AMER1: variants seen among roughly 807,000 people sequenced by gnomAD.
The protein encoded by AMER1 is APC membrane recruitment protein 1, also known as RP11-403E24.2.
A neutral mutation model predicts 53.0 loss-of-function variants in AMER1; 16 were observed. The observed-to-expected ratio is 0.30, with a 90% confidence interval of 0.20 to 0.46. The LOEUF (loss-of-function observed/expected upper bound fraction) is 0.46, where lower values mean the gene tolerates loss of function less well. AMER1 is among the 20% of genes least tolerant of loss of function. AMER1 has a pLI of 1.00. For missense variants in AMER1, 947 were observed against 884.9 expected, an observed-to-expected ratio of 1.07 and a Z score of -0.89; for synonymous variants, 354 against 331.9, an observed-to-expected ratio of 1.07 and a Z score of -0.73.
In AMER1 at chrX:64,188,874, G is replaced by T. The variant is rs926802756; in HGVS notation, c.*1005C>A. ...TCCCTTATCTCAATTAAAAGACCGT[G>T]TTCCTTGTGATGAGATTATGAAAAT... On this transcript the variant is annotated 3_prime_UTR_variant, in exon 2 of 2. Coordinates refer to ENST00000374869, the MANE Select transcript of AMER1 (RefSeq NM_152424.4). The T allele has an allele frequency of 1.2e-6, 1 of 806,772 alleles. No individual in the cohort carries two copies. The highest frequency in any genetic ancestry group is 2.2e-5 in the African/African-American group (1 of 46,178). 66.5% of individuals were successfully genotyped at this position (806,772 alleles called of 1,213,427 possible). A position where few individuals can be genotyped will look rare whatever the true frequency, so the allele number is the denominator to read the frequency against.
At position 64,192,963 on chromosome X, in the gene AMER1, A is replaced by T; in HGVS notation, c.324T>A (p.Asp108Glu). 1 of 1,211,504 alleles carries T rather than the reference A, an allele frequency of 8.3e-7. No individual in the cohort carries two copies. The highest frequency in any genetic ancestry group is 1.1e-6 in the Non-Finnish European group (1 of 895,447). Residue 108 changes from aspartate to glutamate, a missense_variant, in exon 2 of 2, where the codon GAT becomes GAA. By Grantham distance (45) the Asp-to-Glu change is conservative. Transcript: ENST00000374869. ...AGAAGCCAGTTCCTTCACTGACAAC[A>T]TCTTCAGGGCCATGGGCTGCTTCAC... ...GLSEAAHGPE[D>E]VVSEGTGFSL...
In AMER1 at chrX:64,192,099, C is replaced by T. The variant is rs1310860091; in HGVS notation, c.1188G>A (p.Glu396=). ...CATCATCTTCTTCCTCCTCCTTAAC[C>T]TCCTCTTCTTCCTCCTCTAATTCCA... ...EEVELEEEEE[E]VKEEEEDDDL... is the part of the protein sequence containing the mutation. The change falls in exon 2 of 2, where the codon GAG becomes GAA. Residue 396 remains glutamate (E), a synonymous_variant. Transcript: ENST00000374869. 8.3e-7 allele frequency: 1 copy of T among 1,209,443 alleles called. No individual in the cohort carries two copies. Among genetic ancestry groups the T allele is most frequent in the Non-Finnish European group, 1.1e-6 (1 of 894,707 alleles).
chrX:64,203,990 C>T (rs1226720501), intron 1 of AMER1, among the ~76,000 whole-genome samples: 1 of 112,050 alleles, frequency 8.9e-6, no homozygotes, highest in Admixed American at 9.4e-5. Flanking sequence ...CTCAAAGTGC[C>T]CAAGCTTTGC....
chrX:64,192,647 C>A lies in AMER1; in HGVS notation c.640G>T (p.Val214Leu). 1.7e-6 allele frequency: 2 copies of A among 1,167,223 alleles called. No homozygotes were observed. Among genetic ancestry groups the A allele is most frequent in the East Asian group, 3.0e-5 (1 of 33,611 alleles). ...TGGAAGGTCTCCTCAAAGCAGGGCA[C>A]CTGAGGGGCTGAGCTCACGTGCTCA... is the stretch of plus-strand genomic sequence containing the variant. ...PHEHVSSAPQ[V>L]PCFEETFQAP... Residue 214 changes from valine (V) to leucine (L), a missense_variant, in exon 2 of 2, where the codon GTG (valine) becomes TTG (leucine). Physicochemically the swap from Val to Leu is conservative, Grantham distance 32. Transcript: ENST00000374869.
Position 64,190,356 on chromosome X carries a change from G to C in AMER1, c.2931C>G (p.Pro977=), listed in dbSNP as rs2147084962. 1 of 1,211,672 alleles carries C rather than the reference G, an allele frequency of 8.3e-7. No individual in the cohort carries two copies. Among genetic ancestry groups the C allele is most frequent in the Non-Finnish European group, 1.1e-6 (1 of 895,357 alleles). ...PVGPGPAWIS[P]NQLDRPSSQS... ...GGCTGGAAGGCCTGTCCAACTGGTT[G>C]GGGCTTATCCAGGCAGGACCTGGCC... The change falls in exon 2 of 2, where the codon CCC becomes CCG. Residue 977 remains proline, a synonymous_variant. Transcript: ENST00000374869.
Position 64,193,069 on chromosome X carries a change from A to G in AMER1, c.218T>C (p.Phe73Ser). ...KKGICTLPSF[F>S]GGGRSKGSGK... is the part of the protein sequence containing the mutation. ...AGAACCTTTGCTCCGTCCCCCTCCA[A>G]AGAAACTAGGCAGAGTACAGATACC... Residue 73 changes from phenylalanine (F) to serine (S), a missense_variant, in exon 2 of 2, where the codon TTT becomes TCT. Phe to Ser is a radical substitution (Grantham distance 155). Coordinates refer to ENST00000374869, the MANE Select transcript of AMER1 (RefSeq NM_152424.4). 1.7e-6 allele frequency: 2 copies of G among 1,211,883 alleles called. No homozygotes were observed. Among genetic ancestry groups the G allele is most frequent in the Non-Finnish European group, 1.1e-6 (1 of 895,548 alleles).
Position 64,189,348 on chromosome X carries a change from A to T in AMER1, c.*531T>A, listed in dbSNP as rs920109533. ...AGCCCCACTTCCCCAAGCGGGAGGCAATGCAGACTTGGCTGCTAATCAGTG... is the reference window on the plus strand; with the variant it reads ...AGCCCCACTTCCCCAAGCGGGAGGCTATGCAGACTTGGCTGCTAATCAGTG... On this transcript the variant is annotated 3_prime_UTR_variant, in exon 2 of 2. Coordinates refer to ENST00000374869, the MANE Select transcript of AMER1 (RefSeq NM_152424.4). 11 of 781,806 alleles carry T rather than the reference A, an allele frequency of 1.4e-5. No individual in the cohort carries two copies. The African/African-American group carries it at 2.5e-4, about 18-fold the overall frequency. 64.4% of individuals were successfully genotyped at this position (781,806 alleles called of 1,213,427 possible).
intron 1 of AMER1, among the ~76,000 whole-genome samples, chrX:64,196,796 T>C (rs1569193333): frequency 9.0e-6 from 1 of 111,616 alleles, no homozygotes; most frequent in Non-Finnish European, 1.9e-5. Context: ...ACTGGTACTC[T>C]GTGTTCTCTC....
At chrX:64,199,426 TGGTTTGAG>T (rs1297937381) in intron 1 of AMER1, among the ~76,000 whole-genome samples, 3 of 112,194 alleles carry the variant, frequency 2.7e-5, no homozygotes, top group Admixed American at 9.4e-5. Context: ...ATAGGCTGTG[TGGTTTGAG>T]AAAGTGGCCT....
rs1381875275 is a variant in AMER1, at chrX:64,189,847, G to T, written c.*32C>A. 1.0e-6 allele frequency: 1 copy of T among 979,154 alleles called. No homozygotes were observed. Among genetic ancestry groups the T allele is most frequent in the Non-Finnish European group, 1.3e-6 (1 of 757,359 alleles). 80.7% of individuals were successfully genotyped at this position (979,154 alleles called of 1,213,427 possible). A position where few individuals can be genotyped will look rare whatever the true frequency, so the allele number is the denominator to read the frequency against. On this transcript the variant is annotated 3_prime_UTR_variant, in exon 2 of 2. Coordinates refer to ENST00000374869, the MANE Select transcript of AMER1 (RefSeq NM_152424.4). ...CCCTGATCCCCATTCACATGCTCAGGCCCCGTGTCCCTACTCCAGAATTGA... is the reference window on the plus strand; with the variant it reads ...CCCTGATCCCCATTCACATGCTCAGTCCCCGTGTCCCTACTCCAGAATTGA...
chrX:64,196,634 T>C (rs1930376204), intron 1 of AMER1, among the ~76,000 whole-genome samples: 1 of 111,682 alleles, frequency 9.0e-6, no homozygotes, highest in Non-Finnish European at 1.9e-5. Context: ...TACAAACTCC[T>C]CTGCTAAGAG....
At chrX:64,197,518 C>T (rs775849456) in intron 1 of AMER1, among the ~76,000 whole-genome samples, 4 of 112,958 alleles carry the variant, frequency 3.5e-5, no homozygotes, top group Non-Finnish European at 5.6e-5. Context: ...ATCAGCTTCC[C>T]GGGGCCAGCA....
Position 64,191,502 on chromosome X carries a change from G to A in AMER1, c.1785C>T (p.Ala595=), listed in dbSNP as rs1569191874. The A allele has an allele frequency of 8.3e-6, 10 of 1,211,744 alleles. No individual in the cohort carries two copies. Among genetic ancestry groups the A allele is most frequent in the Non-Finnish European group, 1.1e-5 (10 of 895,442 alleles). Residue 595 remains alanine (A), a synonymous_variant, in exon 2 of 2, where the codon GCC becomes GCT. Coordinates refer to ENST00000374869, the MANE Select transcript of AMER1 (RefSeq NM_152424.4). Reference sequence around the variant, plus strand: ...AAGCCTCTCGAGTATAGGCCTCCCTGGCGTGGGCCTCCCTGGCATGAGCTT... The same window carrying A: ...AAGCCTCTCGAGTATAGGCCTCCCTAGCGTGGGCCTCCCTGGCATGAGCTT... ...AREAHAREAH[A]REAYTREAYG... is the part of the protein sequence containing the mutation.
Position 64,185,831 on chromosome X carries a change from G to A in AMER1, c.*4048C>T. On this transcript the variant is annotated 3_prime_UTR_variant, in exon 2 of 2. Coordinates refer to ENST00000374869, the MANE Select transcript of AMER1 (RefSeq NM_152424.4). ...TCAACGAGATGGTAAATTCCTGATA[G>A]TGCAAGCATCATTGTCATCTGTCTC... 3.7e-6 allele frequency: 1 copy of A among 273,939 alleles called. No individual in the cohort carries two copies. Among genetic ancestry groups the A allele is most frequent in the Admixed American group, 5.6e-5 (1 of 17,727 alleles). The allele number at this position is 273,939 out of a possible 1,213,427, so 22.6% of individuals were successfully genotyped here.
chrX:64,189,333 C>T lies in AMER1; in HGVS notation c.*546G>A, dbSNP rs1930175701. On this transcript the variant is annotated 3_prime_UTR_variant, in exon 2 of 2. Coordinates refer to ENST00000374869, the MANE Select transcript of AMER1 (RefSeq NM_152424.4). Reference sequence around the variant, plus strand: ...TGCTAATAGCAAATAAGCCCCACTTCCCCAAGCGGGAGGCAATGCAGACTT... The same window carrying T: ...TGCTAATAGCAAATAAGCCCCACTTTCCCAAGCGGGAGGCAATGCAGACTT... 7.7e-6 allele frequency: 6 copies of T among 782,571 alleles called. No individual in the cohort carries two copies. In the South Asian group the frequency reaches 2.7e-4, roughly 36 times the overall value. The allele number at this position is 782,571 out of a possible 1,213,427, so 64.5% of individuals were successfully genotyped here.
At position 64,189,975 on chromosome X, in the gene AMER1, A is replaced by G. The variant is rs1213244658; in HGVS notation, c.3312T>C (p.Pro1104=). 5 of 1,205,301 alleles carry G rather than the reference A, an allele frequency of 4.1e-6. No individual in the cohort carries two copies. Among genetic ancestry groups the G allele is most frequent in the Non-Finnish European group, 5.6e-6 (5 of 893,015 alleles). ...TCTCCTTTGACAGGTCAAGGCTGGA[A>G]GGCCCATAGTGAGTGGGCTGAGGCT... ...HPQPQPTHYG[P]SSLDLSKERA... is the part of the protein sequence containing the mutation. Residue 1104 remains proline, a synonymous_variant, in exon 2 of 2, where the codon CCT becomes CCC. Coordinates refer to ENST00000374869, the MANE Select transcript of AMER1 (RefSeq NM_152424.4).
Position 64,189,793 on chromosome X carries a change from A to AGGGGGGGGGCCCCCCCC in AMER1, c.*85_*86insGGGGGGGGCCCCCCCCC. 3 of 292,069 alleles carry AGGGGGGGGGCCCCCCCC rather than the reference A, an allele frequency of 1.0e-5. No individual in the cohort carries two copies. The highest frequency in any genetic ancestry group is 1.5e-5 in the Non-Finnish European group (3 of 204,827). 24.1% of individuals were successfully genotyped at this position (292,069 alleles called of 1,213,427 possible). A position where few individuals can be genotyped will look rare whatever the true frequency, so the allele number is the denominator to read the frequency against. On this transcript the variant is annotated 3_prime_UTR_variant, in exon 2 of 2. Coordinates refer to ENST00000374869, the MANE Select transcript of AMER1 (RefSeq NM_152424.4). ...CAAAGGGTTTTCAAGTTAAACAACAACCCCCACCCCCCCACCCTTCTGCCC... is the reference window on the plus strand; with the variant it reads ...CAAAGGGTTTTCAAGTTAAACAACAAGGGGGGGGGCCCCCCCCCCCCCACCCCCCCACCCTTCTGCCC...
chrX:64,186,727 G>T lies in AMER1; in HGVS notation c.*3152C>A, dbSNP rs1461960162. 5.2e-6 allele frequency: 4 copies of T among 774,394 alleles called. No homozygotes were observed. The highest frequency in any genetic ancestry group is 6.1e-6 in the Non-Finnish European group (4 of 651,701). The allele number at this position is 774,394 out of a possible 1,213,427, so 63.8% of individuals were successfully genotyped here. ...AGTCTTGTGGCCTGGTACCCAAGCT[G>T]AGGCCAGATAGGTAGGGCTGGCTTG... On this transcript the variant is annotated 3_prime_UTR_variant, in exon 2 of 2. Transcript: ENST00000374869.
chrX:64,199,436 AAGTGG>A (rs1359098667), intron 1 of AMER1, among the ~76,000 whole-genome samples: 3 of 112,209 alleles, frequency 2.7e-5, no homozygotes, highest in Admixed American at 9.4e-5. Flanking sequence ...TGGTTTGAGA[AAGTGG>A]CCTAACCTCT....
Sources: gnomAD v4.1 joint callset for allele counts (sites outside exome capture counted in the v4.1 genomes callset) on GRCh38, gnomAD v4.1.1 for gene constraint, MANE v1.5 for transcripts, NCBI Gene and HGNC (gene_info 2026-07-23, HGNC 2026-07-21) for gene names.